The following RNF6 variants were observed in gnomAD, a reference collection of about 807,000 sequenced individuals.
RNF6 encodes ring finger protein 6, also known as E3 ubiquitin-protein ligase RNF6.
Under a neutral mutation model 50.1 loss-of-function variants are expected in RNF6, and 21 were observed. The observed-to-expected ratio is 0.42, with a 90% CI of 0.30 to 0.60. The LOEUF is 0.60. RNF6 is among the 20% of genes least tolerant of loss of function. The pLI, the probability that RNF6 is intolerant of heterozygous loss-of-function variation, is 0.20. For missense variants in RNF6, 698 were observed against 838.2 expected, an observed-to-expected ratio of 0.83 and a Z score of 2.07; for synonymous variants, 255 against 291.8, an observed-to-expected ratio of 0.87 and a Z score of 1.29.
intron 5 of RNF6, among the ~76,000 whole-genome samples, chr13:26,188,060 C>A (rs1873640829): frequency 6.6e-6 from 1 of 152,212 alleles, no homozygotes; most frequent in African/African-American, 2.4e-5. Flanking sequence ...TATCCAAGGT[C>A]CCTTCAGCCC....
At chr13:26,174,221 C>A (rs1872842552) in intron 5 of RNF6, among the ~76,000 whole-genome samples, 1 of 152,052 alleles carries the variant, frequency 6.6e-6, no homozygotes, top group African/African-American at 2.4e-5. Context: ...CCTCTCGGTG[C>A]CTGTCTCACA....
downstream of RNF6, among the ~76,000 whole-genome samples, chr13:26,212,107 T>A (rs1869351203): frequency 6.6e-6 from 1 of 152,220 alleles, no homozygotes; most frequent in African/African-American, 2.4e-5. Flanking sequence ...CTCTTATTGG[T>A]TTCTTTGCTT....
chr13:26,209,215 A>G (rs1252508511), downstream of RNF6, among the ~76,000 whole-genome samples: 3 of 152,214 alleles, frequency 2.0e-5, no homozygotes, highest in Non-Finnish European at 4.4e-5. Context: ...GCCATTCACC[A>G]GCATCTCCTC....
At chr13:26,205,891 A>G (rs574011532) in intron 5 of RNF6, among the ~76,000 whole-genome samples, 2 of 152,148 alleles carry the variant, frequency 1.3e-5, no homozygotes, top group Non-Finnish European at 2.9e-5. Flanking sequence ...ACATGCCTGT[A>G]ATCCCAGCTA....
At chr13:26,172,031 A>C (rs985557697) in intron 5 of RNF6, among the ~76,000 whole-genome samples, 1 of 152,238 alleles carries the variant, frequency 6.6e-6, no homozygotes, top group Non-Finnish European at 1.5e-5. Flanking sequence ...ATGCCACTAA[A>C]TAGTATATTT....
intron 5 of RNF6, among the ~76,000 whole-genome samples, chr13:26,182,807 G>GA (rs1215912934): frequency 1.3e-5 from 2 of 151,488 alleles, no homozygotes; most frequent in African/African-American, 2.4e-5. Context: ...CCTGTCTCAA[G>GA]AAAAAAAAGA....
intron 5 of RNF6, among the ~76,000 whole-genome samples, chr13:26,171,084 G>T (rs1872677265): frequency 6.6e-6 from 1 of 151,986 alleles, no homozygotes; most frequent in African/African-American, 2.4e-5. Flanking sequence ...TAAAAACTTT[G>T]GTGCATCAAG....
At chr13:26,165,823 T>G (rs1872425724) in intron 5 of RNF6, among the ~76,000 whole-genome samples, 1 of 152,222 alleles carries the variant, frequency 6.6e-6, no homozygotes, top group South Asian at 2.1e-4. Context: ...CTGACTTGCT[T>G]TTGATTTTAC....
chr13:26,156,759 A>AC (rs1342677710), intron 5 of RNF6, among the ~76,000 whole-genome samples: 4 of 152,242 alleles, frequency 2.6e-5, no homozygotes, highest in Admixed American at 2.6e-4. Context: ...CTCATTTTTT[A>AC]GGAACTTAGA....
downstream of RNF6, among the ~76,000 whole-genome samples, chr13:26,211,575 G>A (rs1869324792): frequency 6.6e-6 from 1 of 152,102 alleles, no homozygotes; most frequent in African/African-American, 2.4e-5. Flanking sequence ...TGGCCAACAT[G>A]GTGAAACCCT....
rs1292888852 is a variant in RNF6 at position 26,215,286 on chromosome 13, C to A, written c.596G>T (p.Ser199Ile). The A allele has an allele frequency of 6.2e-7, 1 of 1,614,100 alleles. No individual in the cohort carries two copies. Among genetic ancestry groups the A allele is most frequent in the Non-Finnish European group, 8.5e-7 (1 of 1,180,052 alleles). The change falls in exon 5 of 5, where the codon AGC becomes ATC. Residue 199 changes from serine (S) to isoleucine (I), a missense_variant. Coordinates refer to ENST00000381588, the MANE Select transcript of RNF6 (RefSeq NM_005977.4). Reference protein sequence around the residue: ...STSPVARRTRSQTSVNFNGSS... With the variant: ...STSPVARRTRIQTSVNFNGSS... The stretch of plus-strand genomic sequence containing the variant: ...ACCATTGAAATTCACTGAGGTTTGG[C>A]TTCTTGTTCGCCTAGCCACAGGACT...
At chr13:26,134,306 T>C (rs1198914951) in intron 5 of RNF6, among the ~76,000 whole-genome samples, 1 of 152,210 alleles carries the variant, frequency 6.6e-6, no homozygotes, top group Non-Finnish European at 1.5e-5. Flanking sequence ...TTATAGGGGA[T>C]TTGGGGTACT....
intron 5 of RNF6, among the ~76,000 whole-genome samples, chr13:26,177,917 G>A (rs565910856): frequency 6.6e-6 from 1 of 152,346 alleles, no homozygotes; most frequent in South Asian, 2.1e-4. Flanking sequence ...TGGGTGCAGT[G>A]GCTCATGTCT....
intron 5 of RNF6, among the ~76,000 whole-genome samples, chr13:26,151,105 G>A (rs1009043414): frequency 2.3e-4 from 35 of 152,172 alleles, no homozygotes; most frequent in African/African-American, 8.2e-4. Context: ...ACACTATCAC[G>A]TGATAGAAAA....
chr13:26,173,329 A>G (rs1190520713), intron 5 of RNF6, among the ~76,000 whole-genome samples: 1 of 152,236 alleles, frequency 6.6e-6, no homozygotes, highest in African/African-American at 2.4e-5. Flanking sequence ...ATCAACAGAG[A>G]AACAGTTAAA....
chr13:26,182,695 C>T (rs1490854100), intron 5 of RNF6, among the ~76,000 whole-genome samples: 2 of 152,146 alleles, frequency 1.3e-5, no homozygotes, highest in Non-Finnish European at 2.9e-5. Context: ...GTCCCAGCTA[C>T]TCAGGAGGCT....
intron 5 of RNF6, among the ~76,000 whole-genome samples, chr13:26,183,983 A>T (rs1258997096): frequency 7.2e-6 from 1 of 139,598 alleles, no homozygotes; most frequent in Non-Finnish European, 1.5e-5. Flanking sequence ...CCACCAGCAG[A>T]TAAATAAAAT....
At chr13:26,216,039 A>G (rs1298148417) in intron 4 of RNF6, among the ~76,000 whole-genome samples, 1 of 152,240 alleles carries the variant, frequency 6.6e-6, no homozygotes, top group Non-Finnish European at 1.5e-5. Flanking sequence ...CATTTTTGCA[A>G]CTAGGTATTT....
At chr13:26,220,900 G>A (rs939289160) in intron 2 of RNF6, among the ~76,000 whole-genome samples, 5 of 152,148 alleles carry the variant, frequency 3.3e-5, no homozygotes, top group Non-Finnish European at 5.9e-5. Context: ...AATACTGTTG[G>A]AGTAAGCAAC....
Sources: allele counts gnomAD v4.1 joint callset (sites outside exome capture counted in the v4.1 genomes callset), GRCh38; gene constraint gnomAD v4.1.1; transcripts MANE v1.5; gene names NCBI Gene and HGNC (gene_info 2026-07-23, HGNC 2026-07-21).